Variants in GAB3 observed in about 807,000 individuals in gnomAD.
GAB3 encodes GRB2 associated binding protein 3.
A neutral mutation model predicts 40.4 loss-of-function variants in GAB3; 12 were observed. The observed-to-expected ratio is 0.30, with a 90% confidence interval of 0.19 to 0.48. The LOEUF (loss-of-function observed/expected upper bound fraction) is 0.48. GAB3 is among the 20% of genes least tolerant of loss of function. The pLI is 0.99. For missense variants in GAB3, 381 were observed against 461.9 expected, an observed-to-expected ratio of 0.82 and a Z score of 1.61; for synonymous variants, 154 against 176.7, an observed-to-expected ratio of 0.87 and a Z score of 1.02.
At chrX:154,709,698 T>C (rs968926726) in intron 4 of GAB3, among the ~76,000 whole-genome samples, 2 of 110,634 alleles carry the variant, frequency 1.8e-5, no homozygotes, top group Non-Finnish European at 3.8e-5. Context: ...ACTGGATGAA[T>C]GGATAAAGGA....
At chrX:154,741,478 C>T (rs2071437555) in intron 1 of GAB3, among the ~76,000 whole-genome samples, 1 of 109,810 alleles carries the variant, frequency 9.1e-6, no homozygotes, top group African/African-American at 3.3e-5. Context: ...GAGTTCAAGA[C>T]CAGCCTAGCC....
chrX:154,736,453 A>ATAT, intron 1 of GAB3, among the ~76,000 whole-genome samples: 1 of 112,666 alleles, frequency 8.9e-6, no homozygotes, highest in South Asian at 3.6e-4. Flanking sequence ...AGAGTTCATT[A>ATAT]TATTATTCTC....
In GAB3 at chrX:154,712,312, T is replaced by G. The variant is rs782005885; in HGVS notation, c.986A>C (p.His329Pro). 1 of 1,210,946 alleles carries G rather than the reference T, an allele frequency of 8.3e-7. No homozygotes were observed. The highest frequency in any genetic ancestry group is 1.1e-6 in the Non-Finnish European group (1 of 894,920). Reference protein sequence around the residue: ...SERRQEEWSTHSGSKKPECTL... With the variant: ...SERRQEEWSTPSGSKKPECTL... Reference sequence around the variant, plus strand: ...GCATTCTGGCTTCTTGCTACCACTGTGTGTACTCCACTCCTCTTGGCGCCG... The same window carrying G: ...GCATTCTGGCTTCTTGCTACCACTGGGTGTACTCCACTCCTCTTGGCGCCG... Residue 329 changes from histidine to proline, a missense_variant, in exon 4 of 10, where the codon CAC (histidine) becomes CCC (proline). Transcript: ENST00000424127.
At chrX:154,690,869 AG>A (rs1557249184) in intron 8 of GAB3, among the ~76,000 whole-genome samples, 1 of 107,977 alleles carries the variant, frequency 9.3e-6, no homozygotes, top group Non-Finnish European at 1.9e-5. Flanking sequence ...GCGATTCCTC[AG>A]GGATCTAGAA....
intron 4 of GAB3, among the ~76,000 whole-genome samples, chrX:154,701,700 G>A (rs1309653249): frequency 8.9e-6 from 1 of 111,839 alleles, no homozygotes; most frequent in East Asian, 2.8e-4. Context: ...AAAATCAGTA[G>A]CATTTCTATA....
intron 2 of GAB3, among the ~76,000 whole-genome samples, chrX:154,714,121 A>G (rs2071007985): frequency 2.7e-5 from 3 of 110,825 alleles, no homozygotes; most frequent in African/African-American, 9.8e-5. Flanking sequence ...ATCACCTGAG[A>G]ACATGGTCCT....
Position 154,675,289 on chromosome X carries a change from A to G in GAB3, c.*2889T>C, listed in dbSNP as rs186770171. ...CTTTTATTAATGCCAGAAATGAAAC[A>G]GCAAAAACAAAATGAATTTGAAAAA... On this transcript the variant is annotated 3_prime_UTR_variant, in exon 10 of 10. Coordinates refer to ENST00000424127, the MANE Select transcript of GAB3 (RefSeq NM_001081573.3). 8.9e-6 allele frequency: 1 copy of G among 112,720 alleles called. No homozygotes were observed. The highest frequency in any genetic ancestry group is 9.4e-5 in the Admixed American group (1 of 10,680). 9.3% of individuals were successfully genotyped at this position (112,720 alleles called of 1,213,427 possible).
intron 8 of GAB3, among the ~76,000 whole-genome samples, chrX:154,681,213 A>T (rs1490250243): frequency 1.8e-5 from 2 of 111,864 alleles, no homozygotes; most frequent in Admixed American, 1.9e-4. Context: ...GTGTACCAGG[A>T]GTGTATAAGA....
chrX:154,729,349 A>G (rs1358060261), intron 1 of GAB3, among the ~76,000 whole-genome samples: 1 of 112,007 alleles, frequency 8.9e-6, no homozygotes, highest in African/African-American at 3.2e-5. Context: ...CCTACTGTGA[A>G]CCAAGCCCGG....
At chrX:154,699,756 C>T (rs884840) in intron 5 of GAB3, among the ~76,000 whole-genome samples, 52,437 of 110,731 alleles carry the variant, frequency 0.47, 10,862 homozygotes, top group East Asian at 0.77. Flanking sequence ...TATGCAAATG[C>T]TTTAAGCATA....
chrX:154,707,519 A>G lies in GAB3; in HGVS notation c.1069+4710T>C, dbSNP rs893895000. Among the ~76,000 whole-genome samples, 11 of 112,316 alleles carry G rather than the reference A, an allele frequency of 9.8e-5. No individual in the cohort carries two copies. In the Admixed American group the frequency reaches 1.0e-3, roughly 11 times the overall value. Reference sequence around the variant, plus strand: ...ATACATCTATTCATGACTTTAGAAAATAACAGTTAGCAAAGTAGAAAATAT... The same window carrying G: ...ATACATCTATTCATGACTTTAGAAAGTAACAGTTAGCAAAGTAGAAAATAT... On this transcript the variant is annotated intron_variant, in intron 4 of 9. Transcript: ENST00000424127.
intron 1 of GAB3, among the ~76,000 whole-genome samples, chrX:154,731,513 A>G (rs2071289992): frequency 8.9e-6 from 1 of 112,282 alleles, no homozygotes; most frequent in African/African-American, 3.2e-5. Flanking sequence ...GTTACACAAC[A>G]TTATGAAGGT....
intron 1 of GAB3, among the ~76,000 whole-genome samples, chrX:154,747,933 T>C (rs1273509541): frequency 2.7e-5 from 3 of 112,292 alleles, no homozygotes; most frequent in Non-Finnish European, 3.8e-5. Flanking sequence ...AAAGAACCTA[T>C]ATCCAGAGAA....
intron 4 of GAB3, among the ~76,000 whole-genome samples, chrX:154,709,508 C>T (rs1158767235): frequency 9.2e-6 from 1 of 109,136 alleles, no homozygotes; most frequent in Non-Finnish European, 1.9e-5. Flanking sequence ...TTAGTAGAGA[C>T]AGGGTTCCAC....
At chrX:154,693,978 C>T (rs181987827) in intron 8 of GAB3, among the ~76,000 whole-genome samples, 1 of 110,325 alleles carries the variant, frequency 9.1e-6, no homozygotes, top group East Asian at 2.8e-4. Context: ...AAAGCAAAAC[C>T]GTGTTTCAGC....
At chrX:154,711,239 AAG>A (rs377122385) in intron 4 of GAB3, among the ~76,000 whole-genome samples, 1 of 112,186 alleles carries the variant, frequency 8.9e-6, no homozygotes, top group Non-Finnish European at 1.9e-5. Context: ...GAGAGAAAGA[AAG>A]AGAGAGAAGA....
chrX:154,729,708 A>G (rs1177776898), intron 1 of GAB3, among the ~76,000 whole-genome samples: 4 of 111,637 alleles, frequency 3.6e-5, no homozygotes, highest in Non-Finnish European at 7.5e-5. Context: ...CACTGATGAC[A>G]TTTCTTTCTC....
intron 8 of GAB3, among the ~76,000 whole-genome samples, chrX:154,689,588 G>A (rs1406450806): frequency 9.0e-6 from 1 of 110,538 alleles, no homozygotes; most frequent in African/African-American, 3.3e-5. Context: ...CAAAATCAAT[G>A]TGCAAAAATC....
chrX:154,707,273 G>C (rs1557253887), intron 4 of GAB3, among the ~76,000 whole-genome samples: 1 of 111,473 alleles, frequency 9.0e-6, no homozygotes, highest in Non-Finnish European at 1.9e-5. Flanking sequence ...AAATGCCAAG[G>C]TTAGTTTAGC....
Sources: gnomAD v4.1 joint callset for allele counts (sites outside exome capture counted in the v4.1 genomes callset) on GRCh38, gnomAD v4.1.1 for gene constraint, MANE v1.5 for transcripts, NCBI Gene and HGNC (gene_info 2026-07-23, HGNC 2026-07-21) for gene names.